The following SELENOO variants were observed in gnomAD, a reference collection of about 807,000 sequenced individuals.
The protein encoded by SELENOO is protein adenylyltransferase SelO, mitochondrial.
Under a neutral mutation model 58.7 loss-of-function variants are expected in SELENOO, and 74 were observed. The ratio of observed to expected loss-of-function variants is 1.26; its 90% CI spans 1.04 to 1.53. SELENOO has a LOEUF of 1.53. SELENOO is among the 40% of genes most tolerant of loss of function. The pLI is 0.00. For synonymous variants in SELENOO, 543 were observed against 453.2 expected, an observed-to-expected ratio of 1.20 and a Z score of -2.52; for missense variants, 1,149 against 970.0, an observed-to-expected ratio of 1.18 and a Z score of -2.45.
intron 2 of SELENOO, among the ~76,000 whole-genome samples, chr22:50,206,790 G>C (rs11913090): frequency 1.3e-5 from 2 of 152,044 alleles, no homozygotes; most frequent in African/African-American, 2.4e-5. Context: ...CCAGGCCCTC[G>C]TTGCAGCCAG....
At chr22:50,202,378 T>C (rs1477920945) in intron 1 of SELENOO, among the ~76,000 whole-genome samples, 2 of 151,606 alleles carry the variant, frequency 1.3e-5, no homozygotes, top group Non-Finnish European at 2.9e-5. Context: ...AGACTGAGGG[T>C]CTTCCTCACT....
chr22:50,215,640 G>GGT, intron 5 of SELENOO, 77 bp from the exon 6 acceptor site: 1 of 832,916 alleles, frequency 1.2e-6, no homozygotes, highest in Middle Eastern at 4.3e-4. Flanking sequence ...GGGGGTGGGG[G>GGT]GGGGGGGGTC....
intron 1 of SELENOO, 100 bp downstream of exon 1, chr22:50,201,690 A>G: frequency 1.1e-6 from 1 of 870,994 alleles, no homozygotes; most frequent in Non-Finnish European, 1.5e-6. Flanking sequence ...GGCTACTGCC[A>G]AGTGGGGCCT....
At chr22:50,213,146 C>T (rs549822632) in intron 5 of SELENOO, among the ~76,000 whole-genome samples, 4 of 152,224 alleles carry the variant, frequency 2.6e-5, no homozygotes, top group Admixed American at 2.0e-4. Context: ...CTGCAACCTC[C>T]GCCTCCCAGG....
chr22:50,215,436 C>T (rs2064398787), intron 5 of SELENOO, among the ~76,000 whole-genome samples: 1 of 149,546 alleles, frequency 6.7e-6, no homozygotes. Flanking sequence ...CTGGGGGCAG[C>T]ATTTGGGTCC....
chr22:50,206,076 G>A (rs138206175), intron 1 of SELENOO: 31 of 579,594 alleles, frequency 5.3e-5, no homozygotes, highest in East Asian at 1.7e-4. Context: ...GGGCTGCTGC[G>A]TGTGTTCAGG....
chr22:50,202,348 A>G (rs2064308229), intron 1 of SELENOO, among the ~76,000 whole-genome samples: 1 of 151,646 alleles, frequency 6.6e-6, no homozygotes, highest in African/African-American at 2.4e-5. Flanking sequence ...CCGGGGCTCC[A>G]TCTCCCAAGC....
At chr22:50,204,483 C>T (rs980785327) in intron 1 of SELENOO, among the ~76,000 whole-genome samples, 1 of 151,468 alleles carries the variant, frequency 6.6e-6, no homozygotes, top group African/African-American at 2.4e-5. Flanking sequence ...AAAAATTAGC[C>T]GGGCATGGTG....
chr22:50,217,183 T>C (rs373541356), intron 8 of SELENOO, 22 bp from the exon 9 acceptor site: 35 of 1,611,458 alleles, frequency 2.2e-5, no homozygotes, highest in Non-Finnish European at 2.7e-5. Context: ...CCCAGACCCC[T>C]CTCACCCTCC....
intron 3 of SELENOO, 50 bp downstream of exon 3, chr22:50,208,766 CCACCTGTGTTGAAGA>C: frequency 1.3e-6 from 2 of 1,556,416 alleles, no homozygotes; most frequent in South Asian, 2.3e-5. Flanking sequence ...CTGGGTGTCC[CCACCTGTGTTGAAGA>C]CACCCTCATT....
rs373590090 is a variant in SELENOO at position 50,210,195 on chromosome 22, G to A, written c.954G>A (p.Thr318=). 39 of 1,613,302 alleles carry A rather than the reference G, an allele frequency of 2.4e-5. No homozygotes were observed. The highest frequency in any genetic ancestry group is 4.0e-5 in the African/African-American group (3 of 75,066). Reference sequence around the variant, plus strand: ...TCCCACCCCAGGTGACGCGGCGCACGGCGCGGATGGTGGCCGAGTGGCAGT... The same window carrying A: ...TCCCACCCCAGGTGACGCGGCGCACAGCGCGGATGGTGGCCGAGTGGCAGT... ...AAFFREVTRR[T]ARMVAEWQCV... The change falls in exon 4 of 9, where the codon ACG becomes ACA. Residue 318 remains threonine (T), a synonymous_variant. Coordinates refer to ENST00000380903, the MANE Select transcript of SELENOO (RefSeq NM_031454.2).
Position 50,210,289 on chromosome 22 carries a change from G to A in SELENOO, c.1048G>A (p.Gly350Arg), listed in dbSNP as rs548294030. 38 of 1,613,300 alleles carry A rather than the reference G, an allele frequency of 2.4e-5. No homozygotes were observed. Among genetic ancestry groups the A allele is most frequent in the South Asian group, 6.6e-5 (6 of 91,082 alleles). ...MSILGLTIDYGPFGFLDRYDP... is the reference protein window; with the variant it reads ...MSILGLTIDYRPFGFLDRYDP... ...CATCCTGGGGCTCACCATCGACTAC[G>A]GGCCCTTTGGCTTCCTGGACAGGTA... is the stretch of plus-strand genomic sequence containing the variant. The change falls in exon 4 of 9, where the codon GGG (glycine) becomes AGG (arginine). Residue 350 changes from glycine to arginine, a missense_variant. Coordinates refer to ENST00000380903, the MANE Select transcript of SELENOO (RefSeq NM_031454.2).
chr22:50,209,817 G>A (rs1025709542), intron 3 of SELENOO, among the ~76,000 whole-genome samples: 30 of 152,332 alleles, frequency 2.0e-4, no homozygotes, highest in African/African-American at 6.5e-4. Context: ...CAGCAGGGTG[G>A]TGGTGGCACC....
intron 5 of SELENOO, among the ~76,000 whole-genome samples, chr22:50,211,583 C>T (rs1289616433): frequency 1.3e-5 from 2 of 152,200 alleles, no homozygotes; most frequent in East Asian, 1.9e-4. Context: ...AAAGCTATTG[C>T]ATTTTATCAA....
chr22:50,212,747 G>T (rs1472913474), intron 5 of SELENOO, among the ~76,000 whole-genome samples: 1 of 152,010 alleles, frequency 6.6e-6, no homozygotes, highest in Non-Finnish European at 1.5e-5. Flanking sequence ...TAATCTTCGT[G>T]TAAGTGGAGT....
chr22:50,214,747 A>G (rs2064394197), intron 5 of SELENOO, among the ~76,000 whole-genome samples: 1 of 152,218 alleles, frequency 6.6e-6, no homozygotes, highest in Non-Finnish European at 1.5e-5. Context: ...CCCCGGCAAC[A>G]GAGCAAGACT....
chr22:50,211,878 T>C (rs550384762), intron 5 of SELENOO, among the ~76,000 whole-genome samples: 1 of 152,300 alleles, frequency 6.6e-6, no homozygotes, highest in African/African-American at 2.4e-5. Context: ...TAATTTTGTA[T>C]TTTTAGTAGA....
At position 50,201,471 on chromosome 22, in the gene SELENOO, C is replaced by T. The variant is rs1312704086; in HGVS notation, c.435C>T (p.Phe145=). ...CGCACTGCTACTGCGGCCACCAATT[C>T]GGCCAGTTCGCCGGGCAGCTGGGCG... ...PAAHCYCGHQ[F]GQFAGQLGDG... is the part of the protein sequence containing the mutation. Residue 145 remains phenylalanine, a synonymous_variant, in exon 1 of 9, where the codon TTC becomes TTT. Transcript: ENST00000380903. 3.5e-6 allele frequency: 5 copies of T among 1,422,498 alleles called. No homozygotes were observed. In the South Asian group the frequency reaches 5.5e-5, roughly 16 times the overall value. The allele number at this position is 1,422,498 out of a possible 1,614,324, so 88.1% of individuals were successfully genotyped here. A position where few individuals can be genotyped will look rare whatever the true frequency, so the allele number is the denominator to read the frequency against.
At chr22:50,210,444 A>T (rs2064361208) in intron 4 of SELENOO, 133 bp downstream of exon 4, 1 of 1,356,224 alleles carries the variant, frequency 7.4e-7, no homozygotes. Flanking sequence ...CTGATGTAGG[A>T]AGTAGAGAGT....
Sources: gnomAD v4.1 joint callset for allele counts (sites outside exome capture counted in the v4.1 genomes callset) on GRCh38, gnomAD v4.1.1 for gene constraint, MANE v1.5 for transcripts, NCBI Gene and HGNC (gene_info 2026-07-23, HGNC 2026-07-21) for gene names.